Variants in SLC22A24 observed in about 807,000 individuals in gnomAD.
SLC22A24 encodes the protein steroid transmembrane transporter SLC22A24.
SLC22A24 carries 53 observed loss-of-function variants against 49.8 expected under a neutral mutation model. That is an observed-to-expected ratio of 1.06 (90% CI 0.85 to 1.34). The LOEUF (loss-of-function observed/expected upper bound fraction) is 1.34, where lower values mean the gene tolerates loss of function less well. SLC22A24 is among the 40% of genes most tolerant of loss of function. The pLI is 0.00. For missense variants in SLC22A24, 786 were observed against 675.9 expected, an observed-to-expected ratio of 1.16 and a Z score of -1.81; for synonymous variants, 302 against 256.4, an observed-to-expected ratio of 1.18 and a Z score of -1.70.
At chr11:63,123,866 T>C (rs2087269681) in intron 2 of SLC22A24, among the ~76,000 whole-genome samples, 1 of 152,206 alleles carries the variant, frequency 6.6e-6, no homozygotes, top group South Asian at 2.1e-4. Context: ...CTCTGGACTA[T>C]TTCAACAGCC....
chr11:63,097,571 G>A (rs1441612638), intron 5 of SLC22A24, among the ~76,000 whole-genome samples: 1 of 152,110 alleles, frequency 6.6e-6, no homozygotes, highest in Non-Finnish European at 1.5e-5. Context: ...CCATTACTGG[G>A]TATATACCCA....
chr11:63,133,429 C>G (rs888171734), intron 2 of SLC22A24, among the ~76,000 whole-genome samples: 2 of 152,110 alleles, frequency 1.3e-5, no homozygotes, highest in African/African-American at 2.4e-5. Flanking sequence ...GGAGCTATTC[C>G]TATTCAGCCA....
intron 4 of SLC22A24, among the ~76,000 whole-genome samples, chr11:63,109,838 G>A (rs1216654974): frequency 4.6e-5 from 7 of 151,058 alleles, no homozygotes; most frequent in African/African-American, 1.7e-4. Context: ...CTGTGCAGAA[G>A]CTCTTTAGTT....
chr11:63,120,402 A>T (rs893158183), intron 2 of SLC22A24, among the ~76,000 whole-genome samples: 2 of 151,662 alleles, frequency 1.3e-5, no homozygotes, highest in African/African-American at 4.8e-5. Flanking sequence ...ATGTATACGT[A>T]TGTAACTAAC....
At chr11:63,135,964 A>G (rs1004637057) in intron 1 of SLC22A24, among the ~76,000 whole-genome samples, 2 of 152,216 alleles carry the variant, frequency 1.3e-5, no homozygotes, top group Non-Finnish European at 2.9e-5. Context: ...ACTACGCAAG[A>G]AGTTGCCAAA....
In SLC22A24 at chr11:63,083,468, TA is replaced by T; in HGVS notation, c.1071-12del. 6.5e-7 allele frequency: 1 copy of T among 1,542,626 alleles called. No individual in the cohort carries two copies. The highest frequency in any genetic ancestry group is 8.8e-7 in the Non-Finnish European group (1 of 1,139,412). On this transcript the variant is annotated splice_polypyrimidine_tract_variant and intron_variant, in intron 6 of 9. Coordinates refer to ENST00000612278, the MANE Select transcript of SLC22A24 (RefSeq NM_001136506.2). ...ACAGTGATTGCGAATCTGAAGTGAA[TA>T]AAAAGGACAAAGACATATTCAATAA...
At chr11:63,085,627 T>G (rs922914803) in intron 6 of SLC22A24, among the ~76,000 whole-genome samples, 5 of 152,154 alleles carry the variant, frequency 3.3e-5, no homozygotes, top group East Asian at 3.9e-4. Flanking sequence ...AATAAAGAAA[T>G]AAAAAGCAAA....
chr11:63,086,000 A>T (rs2086985061), intron 6 of SLC22A24, among the ~76,000 whole-genome samples: 1 of 152,200 alleles, frequency 6.6e-6, no homozygotes, highest in Non-Finnish European at 1.5e-5. Context: ...ATCTCACACC[A>T]GTCAGAATGG....
chr11:63,120,903 G>T lies in SLC22A24; in HGVS notation c.507-1568C>A, dbSNP rs140958061. ...CTATGATACAGGACATGATGGAGAA[G>T]GAATCATTGGAAAACTGAGAAATAG... On this transcript the variant is annotated intron_variant, in intron 2 of 9. Coordinates refer to ENST00000612278, the MANE Select transcript of SLC22A24 (RefSeq NM_001136506.2). 3.1e-4 allele frequency among the ~76,000 whole-genome samples: 47 copies of T among 152,086 alleles called. No homozygotes were observed. In the East Asian group the frequency reaches 8.9e-3, roughly 29 times the overall value.
At chr11:63,130,406 A>T (rs189771421) in intron 2 of SLC22A24, among the ~76,000 whole-genome samples, 3 of 152,218 alleles carry the variant, frequency 2.0e-5, no homozygotes, top group Admixed American at 1.3e-4. Context: ...TTTCACATCA[A>T]TGTTCATCAG....
intron 1 of SLC22A24, 55 bp downstream of exon 1, chr11:63,143,323 G>T: frequency 7.3e-7 from 1 of 1,374,282 alleles, no homozygotes; most frequent in Non-Finnish European, 9.5e-7. Context: ...ATTTTTTTGT[G>T]TTAACTCCAA....
intron 6 of SLC22A24, among the ~76,000 whole-genome samples, chr11:63,090,128 T>C (rs906127294): frequency 1.5e-5 from 2 of 130,256 alleles, no homozygotes; most frequent in Non-Finnish European, 3.3e-5. Context: ...CATTACATAA[T>C]GGTAAAGGGA....
At chr11:63,118,044 T>C (rs1191129943) in intron 4 of SLC22A24, among the ~76,000 whole-genome samples, 1 of 152,204 alleles carries the variant, frequency 6.6e-6, no homozygotes, top group Non-Finnish European at 1.5e-5. Flanking sequence ...ACAAATGCCT[T>C]ATGAGGGGAG....
rs2134681410 is a variant in SLC22A24, at chr11:63,134,597, A to G, written c.506+68T>C. 7.5e-6 allele frequency: 7 copies of G among 933,630 alleles called. No homozygotes were observed. In the South Asian group the frequency reaches 1.0e-4, roughly 14 times the overall value. The allele number at this position is 933,630 out of a possible 1,614,324, so 57.8% of individuals were successfully genotyped here. A position where few individuals can be genotyped will look rare whatever the true frequency, so the allele number is the denominator to read the frequency against. On this transcript the variant is annotated intron_variant, in intron 2 of 9. Transcript: ENST00000612278. ...AGTATACAGTAAGAGCTCAGTAAAT[A>G]TTTCTAAAATAAAGGAATGAATATA...
intron 4 of SLC22A24, among the ~76,000 whole-genome samples, chr11:63,113,861 A>G (rs560121612): frequency 2.0e-5 from 3 of 151,876 alleles, no homozygotes; most frequent in African/African-American, 4.8e-5. Flanking sequence ...CTCAAAAAAA[A>G]AAAAAAAAAA....
intron 5 of SLC22A24, among the ~76,000 whole-genome samples, chr11:63,103,202 G>A (rs1395301357): frequency 1.3e-5 from 2 of 152,078 alleles, no homozygotes; most frequent in Non-Finnish European, 2.9e-5. Flanking sequence ...CAGGGCATTT[G>A]CTCTCTTTCA....
chr11:63,123,562 A>C (rs889375927), intron 2 of SLC22A24, among the ~76,000 whole-genome samples: 1 of 152,122 alleles, frequency 6.6e-6, no homozygotes, highest in South Asian at 2.1e-4. Context: ...CTAATAGGCA[A>C]CTCCGACCCA....
chr11:63,081,051 T>C lies in SLC22A24; in HGVS notation c.1467A>G (p.Leu489=), dbSNP rs1168145288. 14 of 1,551,678 alleles carry C rather than the reference T, an allele frequency of 9.0e-6. No homozygotes were observed. Among genetic ancestry groups the C allele is most frequent in the Non-Finnish European group, 4.4e-6 (5 of 1,146,974 alleles). Residue 489 remains leucine, a synonymous_variant, in exon 9 of 10, where the codon TTA becomes TTG. Transcript: ENST00000612278. ...GAALAPLLMT[L]MAYSPHLPWI... is the part of the protein sequence containing the mutation. ...AGGGTAGGTGGGGAGAATACGCCATTAAGGTCATCAACAGAGGAGCCAGTG... is the reference window on the plus strand; with the variant it reads ...AGGGTAGGTGGGGAGAATACGCCATCAAGGTCATCAACAGAGGAGCCAGTG...
rs1395287915 is a variant in SLC22A24, at chr11:63,119,251, A to G, written c.591T>C (p.Leu197=). The change falls in exon 3 of 10, where the codon CTT becomes CTC. Residue 197 remains leucine, a synonymous_variant. Transcript: ENST00000612278. ...CCAAGAAGCGCAGTATGCAGTAAAC[A>G]AGGAAGGTGGGAGCGAAGGCCGCAC... The part of the protein sequence containing the change: ...NTCAAFAPTF[L]VYCILRFLAG... The G allele has an allele frequency of 1.3e-6, 2 of 1,551,562 alleles. No individual in the cohort carries two copies.
Sources: gnomAD v4.1 joint callset for allele counts (sites outside exome capture counted in the v4.1 genomes callset) on GRCh38, gnomAD v4.1.1 for gene constraint, MANE v1.5 for transcripts, NCBI Gene and HGNC (gene_info 2026-07-23, HGNC 2026-07-21) for gene names.